Variants in CEP290 observed in about 807,000 individuals in gnomAD.
CEP290 encodes centrosomal protein of 290 kDa.
CEP290 carries 317 observed loss-of-function variants against 344.9 expected under a neutral mutation model. The ratio of observed to expected loss-of-function variants is 0.92; its 90% CI spans 0.84 to 1.01. CEP290 has a LOEUF of 1.01. Among genes scored for constraint, CEP290 ranks in the 50% least tolerant of loss-of-function variants. The pLI is 0.00. For missense variants in CEP290, 2,754 were observed against 2,761.4 expected (o/e 1.00, Z 0.06); for synonymous variants, 932 against 895.8 (o/e 1.04, Z -0.72).
At chr12:88,049,816 T>C (rs2033310994) in intron 53 of CEP290, 2 of 156,792 alleles carry the variant, frequency 1.3e-5, no homozygotes. Flanking sequence ...ATATCTAATA[T>C]TTAATGAATA....
At chr12:88,089,814 C>T (rs1033849677) in intron 30 of CEP290, among the ~76,000 whole-genome samples, 2 of 151,348 alleles carry the variant, frequency 1.3e-5, no homozygotes, top group African/African-American at 4.9e-5. Flanking sequence ...GCAACCTCCA[C>T]CTCCCGGGTT....
At chr12:88,066,298 TTTTG>T (rs781717725) in intron 44 of CEP290, among the ~76,000 whole-genome samples, 6 of 152,104 alleles carry the variant, frequency 3.9e-5, no homozygotes, top group Non-Finnish European at 8.8e-5. Flanking sequence ...GCAAAGTGCT[TTTTG>T]TTTGTTTGTT....
intron 49 of CEP290, among the ~76,000 whole-genome samples, chr12:88,057,160 C>T (rs577233082): frequency 6.6e-6 from 1 of 152,248 alleles, no homozygotes; most frequent in South Asian, 2.1e-4. Flanking sequence ...TTTGCACTAA[C>T]AATTTCTTTT....
At chr12:88,070,368 T>C (rs1051558563) in intron 43 of CEP290, among the ~76,000 whole-genome samples, 3 of 152,220 alleles carry the variant, frequency 2.0e-5, no homozygotes, top group African/African-American at 7.2e-5. Flanking sequence ...AACCTGAAGA[T>C]GGGTGTCTGC....
chr12:88,069,930 C>T (rs900359867), intron 43 of CEP290, among the ~76,000 whole-genome samples: 1 of 152,120 alleles, frequency 6.6e-6, no homozygotes, highest in African/African-American at 2.4e-5. Flanking sequence ...CACGTAAAAC[C>T]AACTGAAGTT....
At chr12:88,066,556 C>A (rs747920463) in intron 44 of CEP290, among the ~76,000 whole-genome samples, 2 of 151,496 alleles carry the variant, frequency 1.3e-5, no homozygotes, top group African/African-American at 2.4e-5. Flanking sequence ...GCTGCCTTGG[C>A]CTCCCAAAGT....
Position 88,089,502 on chromosome 12 carries a change from A to T in CEP290, c.3574-15T>A, listed in dbSNP as rs565414938. The T allele has an allele frequency of 3.3e-4, 463 of 1,412,482 alleles. 6 individuals carry two copies. In the South Asian group the frequency reaches 5.0e-3, roughly 15 times the overall value. The allele number at this position is 1,412,482 out of a possible 1,614,324, so 87.5% of individuals were successfully genotyped here. A position where few individuals can be genotyped will look rare whatever the true frequency, so the allele number is the denominator to read the frequency against. On this transcript the variant is annotated splice_polypyrimidine_tract_variant and intron_variant, in intron 30 of 53. Coordinates refer to ENST00000552810, the MANE Select transcript of CEP290 (RefSeq NM_025114.4). ...TCAGACTGTGCCTGATATTAAAAAA[A>T]ATATATATTTGTAGTAAGTTTCAAA...
chr12:88,120,645 G>C (rs546881400), intron 14 of CEP290, among the ~76,000 whole-genome samples: 10 of 152,164 alleles, frequency 6.6e-5, no homozygotes, highest in Admixed American at 1.3e-4. Flanking sequence ...AAAAAGTGGA[G>C]AGCAGGTTGT....
chr12:88,055,524 C>G (rs1021367803), intron 50 of CEP290, 52 bp downstream of exon 50: 3 of 1,460,632 alleles, frequency 2.1e-6, no homozygotes, highest in African/African-American at 1.4e-5. Context: ...CAAGGAACAT[C>G]TTGCGATATT....
At position 88,084,597 on chromosome 12, in the gene CEP290, T is replaced by C. The variant is rs767548455; in HGVS notation, c.4693A>G (p.Lys1565Glu). Residue 1565 changes from lysine (K) to glutamate (E), a missense_variant, in exon 35 of 54, where the codon AAA becomes GAA. Physicochemically the swap from Lys to Glu is moderately conservative, Grantham distance 56 (BLOSUM62 1). Transcript: ENST00000552810. ...ATATAATAAAATACCTCTCTGGCTT[T>C]TTCTAGAAGACGTTGATACTTCTTT... ...VLKKYQRLLE[K>E]AREEQREIVK... 1.9e-6 allele frequency: 3 copies of C among 1,610,394 alleles called. No homozygotes were observed. The African/African-American group carries it at 4.0e-5, about 22-fold the overall frequency.
rs1055946897 is a variant in CEP290, at chr12:88,115,909, G to T, written c.1825-727C>A. 2.4e-5 allele frequency: 24 copies of T among 984,296 alleles called. 1 individual carries two copies. The South Asian group carries it at 3.8e-4, about 15-fold the overall frequency. 61.0% of individuals were successfully genotyped at this position (984,296 alleles called of 1,614,324 possible). A position where few individuals can be genotyped will look rare whatever the true frequency, so the allele number is the denominator to read the frequency against. On this transcript the variant is annotated intron_variant, in intron 18 of 53. Coordinates refer to ENST00000552810, the MANE Select transcript of CEP290 (RefSeq NM_025114.4). Reference sequence around the variant, plus strand: ...AGCTTATTTTTCAATATCTCTGTCTGTAAGGGTACTTCACTTTTTATTATA... The same window carrying T: ...AGCTTATTTTTCAATATCTCTGTCTTTAAGGGTACTTCACTTTTTATTATA...
intron 49 of CEP290, chr12:88,058,355 C>T (rs1046549586): frequency 4.5e-5 from 7 of 153,858 alleles, no homozygotes; most frequent in African/African-American, 1.7e-4. Context: ...TCTCTTGGGG[C>T]TATCTGAAGA....
chr12:88,100,221 G>C (rs1475669644), intron 26 of CEP290, among the ~76,000 whole-genome samples: 1 of 151,336 alleles, frequency 6.6e-6, no homozygotes, highest in African/African-American at 2.4e-5. Flanking sequence ...AGTAAGCCAA[G>C]ATCACTCCAC....
chr12:88,103,197 T>C (rs2038029870), intron 25 of CEP290, 186 bp from the exon 26 acceptor site: 1 of 375,178 alleles, frequency 2.7e-6, no homozygotes, highest in Non-Finnish European at 4.7e-6. Flanking sequence ...AATGTTACTT[T>C]GAAAATCTTA....
At position 88,086,108 on chromosome 12, in the gene CEP290, A is replaced by G. The variant is rs772640114; in HGVS notation, c.4368T>C (p.Ala1456=). 4.3e-6 allele frequency: 7 copies of G among 1,613,118 alleles called. No homozygotes were observed. Among genetic ancestry groups the G allele is most frequent in the Non-Finnish European group, 5.9e-6 (7 of 1,179,602 alleles). The change falls in exon 34 of 54, where the codon GCT becomes GCC. Residue 1456 remains alanine, a synonymous_variant. Coordinates refer to ENST00000552810, the MANE Select transcript of CEP290 (RefSeq NM_025114.4). ...SLPLPNQLEI[A]LRKIKENIRI... ...GAATGTTCTCCTTAATTTTCCTTAGAGCGATCTCAAGTTGATTTGGAAGGG... is the reference window on the plus strand; with the variant it reads ...GAATGTTCTCCTTAATTTTCCTTAGGGCGATCTCAAGTTGATTTGGAAGGG...
chr12:88,137,169 C>T (rs1220347133), intron 5 of CEP290, among the ~76,000 whole-genome samples: 2 of 152,136 alleles, frequency 1.3e-5, no homozygotes, highest in Non-Finnish European at 2.9e-5. Flanking sequence ...CCTGCCCTTT[C>T]TCTCATACCA....
At chr12:88,088,533 T>G (rs1337196891) in intron 31 of CEP290, among the ~76,000 whole-genome samples, 1 of 152,176 alleles carries the variant, frequency 6.6e-6, no homozygotes, top group East Asian at 1.9e-4. Context: ...CTAAAATCTT[T>G]GGTTAGAAAA....
At position 88,111,369 on chromosome 12, in the gene CEP290, G is replaced by A; in HGVS notation, c.2218-18C>T. On this transcript the variant is annotated intron_variant, in intron 21 of 53. Coordinates refer to ENST00000552810, the MANE Select transcript of CEP290 (RefSeq NM_025114.4). ...TGGTCTATCTGGAAAAAAAAATCCA[G>A]CAATGAGAATCACAACTCTTACACC... is the stretch of plus-strand genomic sequence containing the variant. The A allele has an allele frequency of 6.4e-7, 1 of 1,555,866 alleles. No individual in the cohort carries two copies. The highest frequency in any genetic ancestry group is 8.7e-7 in the Non-Finnish European group (1 of 1,152,548).
chr12:88,101,304 AC>A (rs2037856762), intron 26 of CEP290, among the ~76,000 whole-genome samples: 1 of 151,706 alleles, frequency 6.6e-6, no homozygotes, highest in Non-Finnish European at 1.5e-5. Context: ...ACAAGGTGAA[AC>A]CCCATCTCTA....
Sources: allele counts gnomAD v4.1 joint callset (sites outside exome capture counted in the v4.1 genomes callset), GRCh38; gene constraint gnomAD v4.1.1; transcripts MANE v1.5; gene names NCBI Gene and HGNC (gene_info 2026-07-23, HGNC 2026-07-21).